The following MOB2 variants were observed in gnomAD, a reference collection of about 807,000 sequenced individuals.
The protein encoded by MOB2 is MOB2 Mps One Binder homolog.
A neutral mutation model predicts 27.4 loss-of-function variants in MOB2; 14 were observed. That is an observed-to-expected ratio of 0.51 (90% confidence interval 0.34 to 0.80). MOB2 has a LOEUF of 0.80. Among genes scored for constraint, MOB2 ranks in the 30% least tolerant of loss-of-function variants. MOB2 has a pLI of 0.01. For synonymous variants in MOB2, 167 were observed against 151.8 expected (o/e 1.10, Z -0.74); for missense variants, 304 against 354.6 (o/e 0.86, Z 1.15).
chr11:1,471,455 G>A (rs1221062736), intron 3 of MOB2, 36 bp from the exon 4 acceptor site: 15 of 1,580,890 alleles, frequency 9.5e-6, no homozygotes, highest in Middle Eastern at 1.7e-4. Context: ...GCATGCGCCC[G>A]CTGCACACCC....
At chr11:1,471,477 G>A (rs1171084686) in intron 3 of MOB2, 58 bp from the exon 4 acceptor site, 10 of 1,567,216 alleles carry the variant, frequency 6.4e-6, no homozygotes, top group Non-Finnish European at 7.8e-6. Flanking sequence ...CCCAGCCACT[G>A]GGTCCCACCC....
intron 1 of MOB2, among the ~76,000 whole-genome samples, chr11:1,485,911 A>G (rs1162186138): frequency 1.3e-5 from 2 of 152,256 alleles, no homozygotes; most frequent in Non-Finnish European, 2.9e-5. Context: ...TATGGCAGCC[A>G]GCACAAAAAT....
chr11:1,480,993 C>A, intron 1 of MOB2, 108 bp from the exon 2 acceptor site: 1 of 1,368,558 alleles, frequency 7.3e-7, no homozygotes, highest in South Asian at 1.4e-5. Context: ...TGCCCGAGCC[C>A]ATCGGGGCGA....
At chr11:1,484,292 T>C (rs1224726591) in intron 1 of MOB2, among the ~76,000 whole-genome samples, 2 of 151,722 alleles carry the variant, frequency 1.3e-5, no homozygotes, top group African/African-American at 2.4e-5. Context: ...GAAATACAAG[T>C]CCCCAAGCCC....
rs1461881848 is a variant in MOB2 at position 1,470,040 on chromosome 11, C to A, written c.*132G>T. The A allele has an allele frequency of 3.3e-6, 5 of 1,535,818 alleles. No individual in the cohort carries two copies. Among genetic ancestry groups the A allele is most frequent in the Non-Finnish European group, 3.5e-6 (4 of 1,146,500 alleles). ...TCTGCGTCTGTGCCTGTGCAGCCCA[C>A]ACCAGTGCAGCCCGGGGCCCTCTCA... is the stretch of plus-strand genomic sequence containing the variant. On this transcript the variant is annotated 3_prime_UTR_variant, in exon 5 of 5. Coordinates refer to ENST00000329957, the MANE Select transcript of MOB2 (RefSeq NM_001172223.3).
chr11:1,480,836 T>C lies in MOB2; in HGVS notation c.160A>G (p.Lys54Glu). The part of the protein sequence containing the change: ...NGKKPAAEER[K>E]AYLEPEHTKA... ...GTGTGCTCAGGCTCCAGGTAGGCCT[T>C]CCTCTCCTCCGCAGCGGGCTTCTTG... is the stretch of plus-strand genomic sequence containing the variant. The change falls in exon 2 of 5, where the codon AAG becomes GAG. Residue 54 changes from lysine (K) to glutamate (E), a missense_variant. Lys to Glu is a moderately conservative substitution (Grantham distance 56, BLOSUM62 1). Coordinates refer to ENST00000329957, the MANE Select transcript of MOB2 (RefSeq NM_001172223.3). 1 of 1,576,066 alleles carries C rather than the reference T, an allele frequency of 6.3e-7. No individual in the cohort carries two copies. Among genetic ancestry groups the C allele is most frequent in the South Asian group, 1.2e-5 (1 of 85,900 alleles).
rs991490380 is a variant in MOB2, at chr11:1,476,781, C to G, written c.365+3612G>C. Among the ~76,000 whole-genome samples the G allele has an allele frequency of 9.2e-5, 14 of 152,198 alleles. 1 individual carries two copies. The highest frequency in any genetic ancestry group is 5.9e-5 in the Non-Finnish European group (4 of 68,038). ...TTGAGTTATGTCTCACAAATTCTGA[C>G]ATGCTGTATTTTCCTGTGTACAGTT... On this transcript the variant is annotated intron_variant, in intron 3 of 4. Coordinates refer to ENST00000329957, the MANE Select transcript of MOB2 (RefSeq NM_001172223.3).
At chr11:1,471,253 C>A in intron 4 of MOB2, 42 bp downstream of exon 4, 1 of 1,587,560 alleles carries the variant, frequency 6.3e-7, no homozygotes, top group South Asian at 1.2e-5. Context: ...ATGCTCCCTG[C>A]CCCACTGTGA....
At chr11:1,486,322 C>A (rs1847969420) in intron 1 of MOB2, 125 bp downstream of exon 1, 1 of 722,516 alleles carries the variant, frequency 1.4e-6, no homozygotes. Context: ...AGCCGCCGGC[C>A]ACACTGGGAG....
In MOB2 at chr11:1,480,888, G is replaced by C; in HGVS notation, c.111-3C>G. ...CATTAGGCTTGGCTTTGGACTTCCTGCCAAGAGAGGAGACGCGGTGTGGTC... is the reference window on the plus strand; with the variant it reads ...CATTAGGCTTGGCTTTGGACTTCCTCCCAAGAGAGGAGACGCGGTGTGGTC... On this transcript the variant is annotated splice_region_variant and splice_polypyrimidine_tract_variant and intron_variant, in intron 1 of 4. Transcript: ENST00000329957. 1 of 1,553,492 alleles carries C rather than the reference G, an allele frequency of 6.4e-7. No individual in the cohort carries two copies. Among genetic ancestry groups the C allele is most frequent in the Non-Finnish European group, 8.7e-7 (1 of 1,148,644 alleles).
At chr11:1,474,000 A>C (rs1007889815) in intron 3 of MOB2, among the ~76,000 whole-genome samples, 1 of 152,216 alleles carries the variant, frequency 6.6e-6, no homozygotes, top group Non-Finnish European at 1.5e-5. Context: ...CTCACTGCCC[A>C]GACACTGCCC....
In MOB2 at chr11:1,471,369, G is replaced by T. The variant is rs1304229632; in HGVS notation, c.416C>A (p.Pro139Gln). ...GCTCATGACGAAGTCAACGTACTGT[G>T]GGGCCGTGCACTTGACCTTCTTCCC... ...ERGKKVKCTA[P>Q]QYVDFVMSSV... Residue 139 changes from proline to glutamine, a missense_variant, in exon 4 of 5, where the codon CCA (proline) becomes CAA (glutamine). Pro to Gln is a moderately conservative substitution (Grantham distance 76). Coordinates refer to ENST00000329957, the MANE Select transcript of MOB2 (RefSeq NM_001172223.3). 1 of 1,613,576 alleles carries T rather than the reference G, an allele frequency of 6.2e-7. No individual in the cohort carries two copies. The highest frequency in any genetic ancestry group is 1.3e-5 in the African/African-American group (1 of 75,056).
chr11:1,484,994 A>G (rs953722729), intron 1 of MOB2, among the ~76,000 whole-genome samples: 8 of 152,332 alleles, frequency 5.3e-5, no homozygotes, highest in African/African-American at 1.9e-4. Context: ...GGAAAAAGCC[A>G]AGATGGCACA....
chr11:1,474,684 C>G (rs1173527231), intron 3 of MOB2, among the ~76,000 whole-genome samples: 2 of 152,124 alleles, frequency 1.3e-5, no homozygotes, highest in Admixed American at 6.5e-5. Context: ...TCTCCATCCA[C>G]ACGTTTGTGT....
chr11:1,483,095 G>A (rs576057518), intron 1 of MOB2, among the ~76,000 whole-genome samples: 8 of 152,284 alleles, frequency 5.3e-5, no homozygotes, highest in South Asian at 4.1e-4. Context: ...CCTCTGCGGC[G>A]CCCCCCGCAG....
At chr11:1,482,044 C>A (rs1847921306) in intron 1 of MOB2, among the ~76,000 whole-genome samples, 1 of 152,190 alleles carries the variant, frequency 6.6e-6, no homozygotes, top group African/African-American at 2.4e-5. Flanking sequence ...CCCCATGACG[C>A]TGGGCCTGGC....
rs557712397 is a variant in MOB2, at chr11:1,469,509, G to A, written c.*663C>T. On this transcript the variant is annotated 3_prime_UTR_variant, in exon 5 of 5. Transcript: ENST00000329957. ...AGTGAACAGATGAACTAAGGTAAGC[G>A]GGTCTCAGCCTTCCGCTGGTGCAGC... 4.3e-4 allele frequency: 196 copies of A among 453,896 alleles called. No individual in the cohort carries two copies. The highest frequency in any genetic ancestry group is 9.2e-4 in the African/African-American group (46 of 50,126). The allele number at this position is 453,896 out of a possible 1,614,324, so 28.1% of individuals were successfully genotyped here.
intron 3 of MOB2, among the ~76,000 whole-genome samples, chr11:1,479,801 CCAGCCTCCTCCTGCCTG>C (rs1458714709): frequency 6.6e-6 from 1 of 152,232 alleles, no homozygotes; most frequent in Non-Finnish European, 1.5e-5. Context: ...CCCAGCAGAC[CCAGCCTCCTCCTGCCTG>C]CAGCCTCCAA....
chr11:1,470,021 TCTGTGC>T lies in MOB2; in HGVS notation c.*145_*150del, dbSNP rs755663699. ...CAGGACACGGCCGGGGCCGTCTGCG[TCTGTGC>T]CTGTGCAGCCCACACCAGTGCAGCC... is the stretch of plus-strand genomic sequence containing the variant. On this transcript the variant is annotated 3_prime_UTR_variant, in exon 5 of 5. Transcript: ENST00000329957. The T allele has an allele frequency of 1.2e-4, 182 of 1,532,588 alleles. No homozygotes were observed. In the East Asian group the frequency reaches 3.1e-3, roughly 26 times the overall value. 94.9% of individuals were successfully genotyped at this position (1,532,588 alleles called of 1,614,324 possible). A position where few individuals can be genotyped will look rare whatever the true frequency, so the allele number is the denominator to read the frequency against.
Sources: gnomAD v4.1 joint callset for allele counts (sites outside exome capture counted in the v4.1 genomes callset) on GRCh38, gnomAD v4.1.1 for gene constraint, MANE v1.5 for transcripts, NCBI Gene and HGNC (gene_info 2026-07-23, HGNC 2026-07-21) for gene names.